ARB2A: variants seen among roughly 807,000 people sequenced by gnomAD.
ARB2A encodes the protein cotranscriptional regulator ARB2A.
the ARB2A span, among the ~76,000 whole-genome samples, chr5:93,820,970 C>A: frequency 1.6e-4 from 25 of 151,970 alleles, no homozygotes; most frequent in Admixed American, 1.4e-3. Context: ...GAGGTTAGAT[C>A]TAATCAAGTT....
the ARB2A span, among the ~76,000 whole-genome samples, chr5:93,622,782 G>A: frequency 6.6e-6 from 1 of 152,206 alleles, no homozygotes; most frequent in Non-Finnish European, 1.5e-5. Flanking sequence ...GGAGGGATGA[G>A]TGTAGGTTTA....
the ARB2A span, among the ~76,000 whole-genome samples, chr5:93,696,489 T>C: frequency 6.6e-6 from 1 of 152,166 alleles, no homozygotes; most frequent in Non-Finnish European, 1.5e-5. Context: ...TTAGATAGAA[T>C]CCCATATTCT....
At chr5:93,921,986 C>T in the ARB2A span, among the ~76,000 whole-genome samples, 61,563 of 151,870 alleles carry the variant, frequency 0.41, 13,521 homozygotes, top group East Asian at 0.55. Flanking sequence ...CCAAATAAAA[C>T]ATCTCTAATT....
chr5:93,631,341 A>G, the ARB2A span, among the ~76,000 whole-genome samples: 1 of 152,168 alleles, frequency 6.6e-6, no homozygotes, highest in African/African-American at 2.4e-5. Flanking sequence ...CAGCTGTTAT[A>G]GAAATGTTTT....
At chr5:93,993,242 T>C in the ARB2A span, among the ~76,000 whole-genome samples, 2 of 152,242 alleles carry the variant, frequency 1.3e-5, no homozygotes, top group East Asian at 3.9e-4. Flanking sequence ...AATATTTTGC[T>C]TTGGAGAGCT....
At chr5:93,823,286 AACAG>A in the ARB2A span, among the ~76,000 whole-genome samples, 2 of 152,186 alleles carry the variant, frequency 1.3e-5, no homozygotes, top group Non-Finnish European at 2.9e-5. Flanking sequence ...TTGCATCTAA[AACAG>A]ACAGAATTCA....
chr5:93,986,403 T>TG, the ARB2A span, among the ~76,000 whole-genome samples: 5 of 145,110 alleles, frequency 3.4e-5, no homozygotes, highest in Non-Finnish European at 6.0e-5. Flanking sequence ...CTCTGGGAGG[T>TG]GGGGGGCGCC....
chr5:93,799,354 G>A, the ARB2A span, among the ~76,000 whole-genome samples: 575 of 152,040 alleles, frequency 3.8e-3, 3 homozygotes, highest in Non-Finnish European at 6.0e-3. Flanking sequence ...CCCTCTCCTT[G>A]TTATGGTCCT....
At chr5:93,837,781 G>A in the ARB2A span, among the ~76,000 whole-genome samples, 3 of 151,940 alleles carry the variant, frequency 2.0e-5, no homozygotes, top group African/African-American at 4.8e-5. Context: ...GCATTTTTTC[G>A]TATGCTTGTT....
the ARB2A span, among the ~76,000 whole-genome samples, chr5:93,742,020 C>T: frequency 3.9e-5 from 6 of 152,108 alleles, no homozygotes; most frequent in African/African-American, 1.4e-4. Flanking sequence ...TGCCCCCTCA[C>T]TACTATCTTT....
chr5:93,936,078 T>A, the ARB2A span, among the ~76,000 whole-genome samples: 3 of 152,292 alleles, frequency 2.0e-5, no homozygotes, highest in South Asian at 6.2e-4. Flanking sequence ...TAAAAGTATG[T>A]CTAGAAGTAG....
At chr5:93,908,122 C>T in the ARB2A span, among the ~76,000 whole-genome samples, 1 of 150,628 alleles carries the variant, frequency 6.6e-6, no homozygotes, top group Non-Finnish European at 1.5e-5. Flanking sequence ...ATGCATACAG[C>T]AAGCATTCAA....
At chr5:94,065,512 T>A in the ARB2A span, among the ~76,000 whole-genome samples, 1 of 151,502 alleles carries the variant, frequency 6.6e-6, no homozygotes, top group East Asian at 1.9e-4. Context: ...AGACCCTGTC[T>A]CCAAAAAAAG....
chr5:93,844,753 A>G, the ARB2A span, among the ~76,000 whole-genome samples: 1 of 152,216 alleles, frequency 6.6e-6, no homozygotes, highest in East Asian at 1.9e-4. Context: ...AGTGTGATTC[A>G]AAAGATAGAT....
the ARB2A span, among the ~76,000 whole-genome samples, chr5:93,772,993 C>G: frequency 1.3e-5 from 2 of 152,216 alleles, no homozygotes; most frequent in Admixed American, 1.3e-4. Flanking sequence ...CCTTGTGTGG[C>G]TGGACAATAT....
the ARB2A span, among the ~76,000 whole-genome samples, chr5:93,756,912 GTTA>G: frequency 6.6e-6 from 1 of 152,144 alleles, no homozygotes; most frequent in African/African-American, 2.4e-5. Context: ...CAGGAGGTTA[GTTA>G]TTAAGCTAAT....
the ARB2A span, among the ~76,000 whole-genome samples, chr5:93,868,150 T>A: frequency 6.6e-6 from 1 of 151,966 alleles, no homozygotes; most frequent in Non-Finnish European, 1.5e-5. Context: ...TGAGACTTCA[T>A]CTATACAAAA....
At chr5:93,741,633 C>A in the ARB2A span, 1 of 1,428,410 alleles carries the variant, frequency 7.0e-7, no homozygotes, top group Non-Finnish European at 9.2e-7. Context: ...CAGCCACCGG[C>A]CCCCTCAAGC....
chr5:94,001,695 T>A, the ARB2A span, among the ~76,000 whole-genome samples: 1 of 152,116 alleles, frequency 6.6e-6, no homozygotes, highest in Non-Finnish European at 1.5e-5. Context: ...TTTGCTTACA[T>A]TGCCCATCTG....
Sources: allele counts gnomAD v4.1 joint callset (sites outside exome capture counted in the v4.1 genomes callset), GRCh38; gene constraint gnomAD v4.1.1; transcripts MANE v1.5; gene names NCBI Gene and HGNC (gene_info 2026-07-23, HGNC 2026-07-21).